Variants in BDH2 observed in about 807,000 individuals in gnomAD.
BDH2 encodes dehydrogenase/reductase SDR family member 6.
BDH2 carries 24 observed loss-of-function variants against 33.2 expected under a neutral mutation model. The observed-to-expected ratio is 0.72, with a 90% CI of 0.52 to 1.02. BDH2 has a LOEUF of 1.02. Among genes scored for constraint, BDH2 ranks in the 50% least tolerant of loss-of-function variants. The probability of loss-of-function intolerance (pLI) is 0.00; values close to 1 mark genes in which losing one functional copy is unlikely to be tolerated. For missense variants in BDH2, 249 were observed against 301.6 expected, an observed-to-expected ratio of 0.83 and a Z score of 1.29; for synonymous variants, 81 against 101.6, an observed-to-expected ratio of 0.80 and a Z score of 1.22.
chr4:103,082,943 G>A lies in BDH2; in HGVS notation c.533-14C>T. ...TATCAACTGTTCCTAAATCAAAGGGGGATATTCAGCTTGGTTACTCACTTT... is the reference window on the plus strand; with the variant it reads ...TATCAACTGTTCCTAAATCAAAGGGAGATATTCAGCTTGGTTACTCACTTT... On this transcript the variant is annotated splice_polypyrimidine_tract_variant and intron_variant, in intron 7 of 9. Transcript: ENST00000296424. The A allele has an allele frequency of 6.2e-7, 1 of 1,608,184 alleles. No individual in the cohort carries two copies.
intron 1 of BDH2, among the ~76,000 whole-genome samples, chr4:103,096,540 T>A (rs1182690087): frequency 6.9e-6 from 1 of 145,250 alleles, no homozygotes; most frequent in Non-Finnish European, 1.5e-5. Context: ...CATTTTTTTT[T>A]TTTTTTTTTT....
In BDH2 at chr4:103,077,904, G is replaced by A. The variant is rs1042024482; in HGVS notation, c.*1798C>T. Among the ~76,000 whole-genome samples the A allele has an allele frequency of 2.6e-5, 4 of 152,122 alleles. No homozygotes were observed. Among genetic ancestry groups the A allele is most frequent in the Non-Finnish European group, 5.9e-5 (4 of 68,024 alleles). ...GCCATAATTCGGTAGTGTAGTGCCCGGTCCAAAACCTCATAGATAATCTTA... is the reference window on the plus strand; with the variant it reads ...GCCATAATTCGGTAGTGTAGTGCCCAGTCCAAAACCTCATAGATAATCTTA... On this transcript the variant is annotated 3_prime_UTR_variant, in exon 10 of 10. Transcript: ENST00000296424.
chr4:103,089,022 T>C lies in BDH2; in HGVS notation c.357+2155A>G, dbSNP rs181536124. Among the ~76,000 whole-genome samples, 3 of 152,302 alleles carry C rather than the reference T, an allele frequency of 2.0e-5. No homozygotes were observed. In the East Asian group the frequency reaches 5.8e-4, roughly 29 times the overall value. On this transcript the variant is annotated intron_variant, in intron 5 of 9. Coordinates refer to ENST00000296424, the MANE Select transcript of BDH2 (RefSeq NM_020139.4). ...TGCATTGACCTCTTCTTAAAGTATT[T>C]TCAACTTGTTCTCTGCCTTTTGACT...
chr4:103,087,216 G>A (rs932836172), intron 5 of BDH2, among the ~76,000 whole-genome samples: 4 of 152,214 alleles, frequency 2.6e-5, no homozygotes, highest in African/African-American at 9.6e-5. Flanking sequence ...GGGAGGAGGG[G>A]CTGGGTCTGG....
intron 4 of BDH2, chr4:103,092,388 A>T: frequency 3.5e-6 from 2 of 568,712 alleles, no homozygotes; most frequent in Non-Finnish European, 3.1e-6. Flanking sequence ...TCTTGAGTAG[A>T]CCTCATTTGC....
chr4:103,095,668 T>C (rs1748368303), intron 2 of BDH2, among the ~76,000 whole-genome samples: 1 of 152,210 alleles, frequency 6.6e-6, no homozygotes, highest in Non-Finnish European at 1.5e-5. Flanking sequence ...TCAACACTTT[T>C]CCTACTAAGA....
At chr4:103,082,787 G>C in intron 8 of BDH2, 84 bp downstream of exon 8, 2 of 1,218,974 alleles carry the variant, frequency 1.6e-6, no homozygotes, top group Non-Finnish European at 2.4e-6. Context: ...TTCACTTTCT[G>C]TCTCTATGAA....
At chr4:103,084,366 C>T (rs904370326) in intron 7 of BDH2, among the ~76,000 whole-genome samples, 1 of 152,116 alleles carries the variant, frequency 6.6e-6, no homozygotes, top group African/African-American at 2.4e-5. Flanking sequence ...ACAAGTCTGG[C>T]TGGAGATTTG....
intron 9 of BDH2, among the ~76,000 whole-genome samples, chr4:103,080,318 A>G (rs1314489800): frequency 1.3e-5 from 2 of 152,234 alleles, no homozygotes; most frequent in East Asian, 1.9e-4. Context: ...AAAATATTCT[A>G]TATTAGTTTC....
intron 9 of BDH2, among the ~76,000 whole-genome samples, chr4:103,081,215 G>T (rs1747509559): frequency 6.6e-6 from 1 of 152,070 alleles, no homozygotes; most frequent in South Asian, 2.1e-4. Flanking sequence ...AGTTATTAAG[G>T]AAAAAACTGT....
rs3832316 is a variant in BDH2 at position 103,086,561 on chromosome 4, C to CAAA, written c.358-24_358-22dup. The CAAA allele has an allele frequency of 4.0e-4, 525 of 1,327,680 alleles. No individual in the cohort carries two copies. In the African/African-American group the frequency reaches 7.2e-3, roughly 18 times the overall value. The allele number at this position is 1,327,680 out of a possible 1,614,324, so 82.2% of individuals were successfully genotyped here. ...AGCATCTGCCAAAACAAAACAAATA[C>CAAA]AAAAAAAAAAAAATCCACTTTGTGG... On this transcript the variant is annotated intron_variant, in intron 5 of 9. Coordinates refer to ENST00000296424, the MANE Select transcript of BDH2 (RefSeq NM_020139.4).
chr4:103,082,002 A>C (rs1329384863), intron 9 of BDH2, 79 bp downstream of exon 9: 8 of 1,165,424 alleles, frequency 6.9e-6, no homozygotes, highest in Non-Finnish European at 1.0e-5. Flanking sequence ...AAACTCTCTA[A>C]AATGATATTA....
At chr4:103,086,094 G>A in intron 6 of BDH2, 1 of 1,099,536 alleles carries the variant, frequency 9.1e-7, no homozygotes, top group Non-Finnish European at 1.1e-6. Flanking sequence ...CATCACACTG[G>A]AGAAGATGAT....
chr4:103,085,109 A>T (rs1747713855), intron 7 of BDH2, among the ~76,000 whole-genome samples: 1 of 152,242 alleles, frequency 6.6e-6, no homozygotes, highest in Non-Finnish European at 1.5e-5. Context: ...CCCTATAGTT[A>T]TTAAGAAAAG....
At position 103,097,775 on chromosome 4, in the gene BDH2, G is replaced by A. The variant is rs568371157; in HGVS notation, c.-20-1501C>T. 2.6e-5 allele frequency: 4 copies of A among 152,342 alleles called. No homozygotes were observed. The East Asian group carries it at 7.7e-4, about 29-fold the overall frequency. 9.4% of individuals were successfully genotyped at this position (152,342 alleles called of 1,614,324 possible). A position where few individuals can be genotyped will look rare whatever the true frequency, so the allele number is the denominator to read the frequency against. ...TCCAGCTTTGATAAAGTGAAGAATA[G>A]GAGAAAGTGAGTTGGATGGTGTTGA... is the stretch of plus-strand genomic sequence containing the variant. On this transcript the variant is annotated intron_variant, in intron 1 of 9. Coordinates refer to ENST00000296424, the MANE Select transcript of BDH2 (RefSeq NM_020139.4).
rs745994079 is a variant in BDH2, at chr4:103,096,224, GGAT to G, written c.28_30del (p.Ile10del). ...CCAATCCCCTGAGCAGCGGCCGTCA[GGAT>G]GATGACTTTCCCATCAAGTCGACCC... On this transcript the variant is annotated inframe_deletion, in exon 2 of 10. Coordinates refer to ENST00000296424, the MANE Select transcript of BDH2 (RefSeq NM_020139.4). The G allele has an allele frequency of 1.2e-6, 2 of 1,613,758 alleles. No individual in the cohort carries two copies. The highest frequency in any genetic ancestry group is 8.5e-7 in the Non-Finnish European group (1 of 1,179,810).
In BDH2 at chr4:103,095,264, A is replaced by C; in HGVS notation, c.90T>G (p.Gly30=). ...QAAALAFARE[G]AKVIATDINE... ...TAATGTCTGTGGCTATGACTTTGGC[A>C]CCTTCTCTTGCAAAAGCCTAGTAGA... The change falls in exon 3 of 10, where the codon GGT becomes GGG. Residue 30 remains glycine (G), a synonymous_variant. Coordinates refer to ENST00000296424, the MANE Select transcript of BDH2 (RefSeq NM_020139.4). 1.2e-6 allele frequency: 2 copies of C among 1,613,684 alleles called. No homozygotes were observed. The highest frequency in any genetic ancestry group is 1.7e-6 in the Non-Finnish European group (2 of 1,179,722).
chr4:103,083,193 A>T (rs572355162), intron 7 of BDH2, among the ~76,000 whole-genome samples: 50 of 152,344 alleles, frequency 3.3e-4, no homozygotes, highest in African/African-American at 1.2e-3. Context: ...TCTCAAGGAC[A>T]TATATTTTAG....
rs1228955766 is a variant in BDH2 at position 103,079,070 on chromosome 4, G to T, written c.*632C>A. ...TCATATTTACATTTTAATTGTATAT[G>T]CTGCAATGGCCTATTTGTATCACCC... is the stretch of plus-strand genomic sequence containing the variant. On this transcript the variant is annotated 3_prime_UTR_variant, in exon 10 of 10. Transcript: ENST00000296424. 6.6e-6 allele frequency among the ~76,000 whole-genome samples: 1 copy of T among 152,148 alleles called. No individual in the cohort carries two copies. Among genetic ancestry groups the T allele is most frequent in the Non-Finnish European group, 1.5e-5 (1 of 68,034 alleles).
Sources: gnomAD v4.1 joint callset for allele counts (sites outside exome capture counted in the v4.1 genomes callset) on GRCh38, gnomAD v4.1.1 for gene constraint, MANE v1.5 for transcripts, NCBI Gene and HGNC (gene_info 2026-07-23, HGNC 2026-07-21) for gene names.